Variants in SLC26A9 observed in about 807,000 individuals in gnomAD.
The protein encoded by SLC26A9 is anion transporter/exchanger protein 9.
Under a neutral mutation model 87.1 loss-of-function variants are expected in SLC26A9, and 46 were observed. The ratio of observed to expected loss-of-function variants is 0.53; its 90% CI spans 0.42 to 0.67. SLC26A9 has a LOEUF of 0.67. SLC26A9 is among the 30% of genes least tolerant of loss of function. SLC26A9 has a pLI of 0.00. For synonymous variants in SLC26A9, 437 were observed against 409.1 expected, an observed-to-expected ratio of 1.07 and a Z score of -0.82; for missense variants, 927 against 1,018.3, an observed-to-expected ratio of 0.91 and a Z score of 1.22.
intron 7 of SLC26A9, 102 bp from the exon 8 acceptor site, chr1:205,929,011 C>T: frequency 6.7e-7 from 1 of 1,496,270 alleles, no homozygotes; most frequent in Non-Finnish European, 9.3e-7. Context: ...GAATCCCACT[C>T]CCCTGCCTCC....
At chr1:205,928,965 C>T (rs1659193808) in intron 7 of SLC26A9, 56 bp from the exon 8 acceptor site, 6 of 1,595,928 alleles carry the variant, frequency 3.8e-6, no homozygotes, top group East Asian at 2.2e-5. Flanking sequence ...CCAGGGCAGG[C>T]GTCTCTCTCA....
rs1271839541 is a variant in SLC26A9, at chr1:205,932,821, G to A, written c.266-9C>T. On this transcript the variant is annotated splice_polypyrimidine_tract_variant and intron_variant, in intron 3 of 20. Transcript: ENST00000367135. Reference sequence around the variant, plus strand: ...CAGAGCAAATGCCATGCCTGCAGAGGACAACGAGACTGAAGCTCAGCAGCA... The same window carrying A: ...CAGAGCAAATGCCATGCCTGCAGAGAACAACGAGACTGAAGCTCAGCAGCA... 1 of 1,590,824 alleles carries A rather than the reference G, an allele frequency of 6.3e-7. No homozygotes were observed. The highest frequency in any genetic ancestry group is 8.6e-7 in the Non-Finnish European group (1 of 1,167,716).
chr1:205,919,847 A>G (rs890010852), intron 18 of SLC26A9, among the ~76,000 whole-genome samples: 2 of 152,196 alleles, frequency 1.3e-5, no homozygotes, highest in Non-Finnish European at 1.5e-5. Flanking sequence ...CTCGTTTTAC[A>G]TAGGTAGAAA....
intron 8 of SLC26A9, among the ~76,000 whole-genome samples, 180 bp downstream of exon 8, chr1:205,928,647 T>A (rs1198296132): frequency 3.9e-5 from 6 of 152,236 alleles, no homozygotes; most frequent in African/African-American, 1.4e-4. Flanking sequence ...TAAAATAGCC[T>A]ACATTGGCTG....
At position 205,923,436 on chromosome 1, in the gene SLC26A9, G is replaced by A; in HGVS notation, c.1567-9C>T. 6.2e-7 allele frequency: 1 copy of A among 1,614,148 alleles called. No individual in the cohort carries two copies. The highest frequency in any genetic ancestry group is 8.5e-7 in the Non-Finnish European group (1 of 1,180,012). ...CCCTGGATATCCTGGGCCTGTGACA[G>A]GGAGACTGAGCTCAAGTTGCAGAAA... On this transcript the variant is annotated splice_polypyrimidine_tract_variant and intron_variant, in intron 14 of 20. Coordinates refer to ENST00000367135, the MANE Select transcript of SLC26A9 (RefSeq NM_052934.4).
Position 205,928,052 on chromosome 1 carries a change from G to C in SLC26A9, c.954-3C>G, listed in dbSNP as rs534997445. On this transcript the variant is annotated splice_region_variant and splice_polypyrimidine_tract_variant and intron_variant, in intron 8 of 20. Coordinates refer to ENST00000367135, the MANE Select transcript of SLC26A9 (RefSeq NM_052934.4). ...CAGGCGACACCGGGGTGGGGAACCT[G>C]CCGAGGAGCCAGGAAGGAGGCAGAA... The C allele has an allele frequency of 1.2e-6, 2 of 1,613,382 alleles. No individual in the cohort carries two copies. Among genetic ancestry groups the C allele is most frequent in the South Asian group, 2.2e-5 (2 of 91,004 alleles).
chr1:205,940,448 C>T (rs986716409), intron 1 of SLC26A9, among the ~76,000 whole-genome samples: 3 of 152,094 alleles, frequency 2.0e-5, no homozygotes, highest in Non-Finnish European at 4.4e-5. Flanking sequence ...AGACAGTGCC[C>T]GAGTGGATGC....
chr1:205,939,268 G>T (rs1659641973), intron 1 of SLC26A9, among the ~76,000 whole-genome samples: 1 of 152,154 alleles, frequency 6.6e-6, no homozygotes, highest in African/African-American at 2.4e-5. Context: ...TATTCGAAGG[G>T]GCTTCAGACC....
At chr1:205,933,235 G>T in intron 2 of SLC26A9, 151 bp from the exon 3 acceptor site, 2 of 1,204,820 alleles carry the variant, frequency 1.7e-6, no homozygotes, top group Non-Finnish European at 2.3e-6. Flanking sequence ...GAAAAGGCAG[G>T]AACTTTTTCT....
Position 205,921,772 on chromosome 1 carries a change from C to T in SLC26A9, c.1849G>A (p.Ala617Thr), listed in dbSNP as rs1346924036. Residue 617 changes from alanine to threonine, a missense_variant, in exon 17 of 21, where the codon GCT becomes ACT. Coordinates refer to ENST00000367135, the MANE Select transcript of SLC26A9 (RefSeq NM_052934.4). Reference protein sequence around the residue: ...PTDPNNNQTPANGTSVSYITF... With the variant: ...PTDPNNNQTPTNGTSVSYITF... ...ATATAGGACACGCTGGTGCCGTTAG[C>T]CGGGGTCTGGTTGTTGTTGGGGTCG... 1 of 1,602,428 alleles carries T rather than the reference C, an allele frequency of 6.2e-7. No homozygotes were observed. The highest frequency in any genetic ancestry group is 1.7e-5 in the Admixed American group (1 of 58,176).
At chr1:205,937,675 G>A (rs1472627026) in intron 1 of SLC26A9, among the ~76,000 whole-genome samples, 2 of 152,110 alleles carry the variant, frequency 1.3e-5, no homozygotes, top group Non-Finnish European at 2.9e-5. Flanking sequence ...AGAGGCTGCC[G>A]GCCCTTCACC....
rs773133674 is a variant in SLC26A9, at chr1:205,918,962, G to A, written c.2134C>T (p.His712Tyr). 1.1e-5 allele frequency: 18 copies of A among 1,614,062 alleles called. No individual in the cohort carries two copies. The highest frequency in any genetic ancestry group is 1.5e-5 in the Non-Finnish European group (18 of 1,180,020). ...IHAQVYNDISHGGVFEDGSLE... is the reference protein window; with the variant it reads ...IHAQVYNDISYGGVFEDGSLE... Reference sequence around the variant, plus strand: ...CTCCCATCCTCAAAGACGCCTCCATGGCTAATGTCATTGTACACCTGGGCT... The same window carrying A: ...CTCCCATCCTCAAAGACGCCTCCATAGCTAATGTCATTGTACACCTGGGCT... Residue 712 changes from histidine to tyrosine, a missense_variant, in exon 19 of 21, where the codon CAT becomes TAT. Transcript: ENST00000367135.
intron 20 of SLC26A9, among the ~76,000 whole-genome samples, chr1:205,915,968 T>C (rs1480503601): frequency 6.6e-6 from 1 of 152,192 alleles, no homozygotes; most frequent in Non-Finnish European, 1.5e-5. Context: ...ACACTACTTC[T>C]CATAGACCCA....
chr1:205,935,766 G>A lies in SLC26A9; in HGVS notation c.55C>T (p.Leu19Phe). 1.2e-6 allele frequency: 2 copies of A among 1,614,082 alleles called. No homozygotes were observed. The highest frequency in any genetic ancestry group is 1.1e-5 in the South Asian group (1 of 91,076). The change falls in exon 2 of 21, where the codon CTC becomes TTC. Residue 19 changes from leucine (L) to phenylalanine (F), a missense_variant. Transcript: ENST00000367135. ...VVDRAAYSLT[L>F]FDDEFEKKDR... ...TTCTTCTCAAACTCATCGTCGAAGA[G>A]GGTAAGGGAGTATGCGGCTCTGTCT...
chr1:205,930,219 G>T, intron 5 of SLC26A9, 163 bp from the exon 6 acceptor site: 1 of 614,698 alleles, frequency 1.6e-6, no homozygotes, highest in South Asian at 4.1e-5. Flanking sequence ...CCTTCACTGT[G>T]CTCTACATGG....
rs2102570136 is a variant in SLC26A9 at position 205,917,304 on chromosome 1, G to A, written c.2307C>T (p.Arg769=). Reference sequence around the variant, plus strand: ...TCACCTGCTCTAAGTCCCAGTAGCTGCGAATGTCCTCCTCTGAGTCGTACA... The same window carrying A: ...TCACCTGCTCTAAGTCCCAGTAGCTACGAATGTCCTCCTCTGAGTCGTACA... ...LSLYDSEEDI[R]SYWDLEQEMF... Residue 769 remains arginine (R), a synonymous_variant, in exon 20 of 21, where the codon CGC becomes CGT. Coordinates refer to ENST00000367135, the MANE Select transcript of SLC26A9 (RefSeq NM_052934.4). The A allele has an allele frequency of 6.2e-7, 1 of 1,613,958 alleles. No homozygotes were observed. Among genetic ancestry groups the A allele is most frequent in the Non-Finnish European group, 8.5e-7 (1 of 1,180,000 alleles).
At chr1:205,933,138 G>C in intron 2 of SLC26A9, 54 bp from the exon 3 acceptor site, 1 of 1,607,740 alleles carries the variant, frequency 6.2e-7, no homozygotes, top group Non-Finnish European at 8.5e-7. Context: ...TGGACATTCC[G>C]TGTTGGAGAG....
Position 205,931,864 on chromosome 1 carries a change from AT to A in SLC26A9, c.547del (p.Ile183SerfsTer26), listed in dbSNP as rs758538227. ...GGTTGGGGGCTGCCCCCTCACCTGG[AT>A]GATGGCGGTGAGGCAGGCTAGCGTA... Reference protein sequence around the residue: ...SATLACLTAIIQMGLGFMQFG... With the variant: ...SATLACLTAIXQMGLGFMQFG... On this transcript the variant is annotated frameshift_variant, in exon 5 of 21. Coordinates refer to ENST00000367135, the MANE Select transcript of SLC26A9 (RefSeq NM_052934.4). LOFTEE classifies it high-confidence loss of function. 1 of 1,612,762 alleles carries A rather than the reference AT, an allele frequency of 6.2e-7. No homozygotes were observed. Among genetic ancestry groups the A allele is most frequent in the South Asian group, 1.1e-5 (1 of 90,938 alleles).
chr1:205,929,129 G>A, intron 7 of SLC26A9, 75 bp downstream of exon 7: 1 of 1,563,942 alleles, frequency 6.4e-7, no homozygotes, highest in Non-Finnish European at 8.7e-7. Context: ...TGAGGGGATG[G>A]GGTGAGGAAA....
Sources: allele counts gnomAD v4.1 joint callset (sites outside exome capture counted in the v4.1 genomes callset), GRCh38; gene constraint gnomAD v4.1.1; transcripts MANE v1.5; gene names NCBI Gene and HGNC (gene_info 2026-07-23, HGNC 2026-07-21).